The following TTYH2 variants were observed in gnomAD, a reference collection of about 807,000 sequenced individuals.
TTYH2 encodes tweety family member 2, also known as protein tweety homolog 2.
TTYH2 carries 49 observed loss-of-function variants against 68.3 expected under a neutral mutation model. The observed-to-expected ratio is 0.72, with a 90% CI of 0.57 to 0.91. The LOEUF (loss-of-function observed/expected upper bound fraction) is 0.91. Among genes scored for constraint, TTYH2 ranks in the 40% least tolerant of loss-of-function variants. TTYH2 has a pLI of 0.00. For synonymous variants in TTYH2, 272 were observed against 300.8 expected (o/e 0.90, Z 0.99); for missense variants, 631 against 700.4 (o/e 0.90, Z 1.12).
intron 1 of TTYH2, among the ~76,000 whole-genome samples, chr17:74,221,530 G>A (rs2050275789): frequency 6.6e-6 from 1 of 152,224 alleles, no homozygotes; most frequent in Non-Finnish European, 1.5e-5. Flanking sequence ...TATTGGGGGT[G>A]CATGGGAAGC....
At chr17:74,231,763 A>G (rs2050392092) in intron 3 of TTYH2, among the ~76,000 whole-genome samples, 1 of 152,126 alleles carries the variant, frequency 6.6e-6, no homozygotes, top group South Asian at 2.1e-4. Context: ...TCTGGCTTCC[A>G]GGCAGTGACT....
intron 4 of TTYH2, among the ~76,000 whole-genome samples, chr17:74,240,186 C>G (rs1305798916): frequency 1.3e-5 from 2 of 152,150 alleles, no homozygotes; most frequent in African/African-American, 4.8e-5. Flanking sequence ...ATGCTGTAAT[C>G]CCAGCACTTT....
At chr17:74,250,394 G>A in intron 10 of TTYH2, 37 bp downstream of exon 10, 1 of 1,569,206 alleles carries the variant, frequency 6.4e-7, no homozygotes, top group Non-Finnish European at 8.7e-7. Flanking sequence ...GAGAGTGTGA[G>A]GGCACCCAGC....
At chr17:74,235,416 A>G (rs1356087974) in intron 3 of TTYH2, among the ~76,000 whole-genome samples, 1 of 152,238 alleles carries the variant, frequency 6.6e-6, no homozygotes, top group East Asian at 1.9e-4. Flanking sequence ...TGACAGTTTC[A>G]GAACAACAAA....
intron 2 of TTYH2, among the ~76,000 whole-genome samples, chr17:74,227,761 G>T (rs8071343): frequency 0.048 from 6,506 of 136,728 alleles, 418 homozygotes; most frequent in African/African-American, 0.16. Context: ...TTTTTTTTTT[G>T]TTTTTTTTTT....
intron 4 of TTYH2, among the ~76,000 whole-genome samples, chr17:74,238,599 G>C (rs992054297): frequency 6.6e-6 from 1 of 152,176 alleles, no homozygotes; most frequent in African/African-American, 2.4e-5. Flanking sequence ...GGGACTGGTG[G>C]CTCACACCTA....
intron 12 of TTYH2, 142 bp from the exon 13 acceptor site, chr17:74,253,613 C>T (rs2143781732): frequency 2.6e-6 from 2 of 778,978 alleles, no homozygotes; most frequent in East Asian, 2.5e-5. Context: ...CATATCTGCC[C>T]ACTGCACCCC....
rs139719405 is a variant in TTYH2, at chr17:74,237,370, G to A, written c.491G>A (p.Arg164Gln). 2.5e-5 allele frequency: 40 copies of A among 1,613,984 alleles called. No individual in the cohort carries two copies. The highest frequency in any genetic ancestry group is 9.3e-5 in the African/African-American group (7 of 74,912). The part of the protein sequence containing the change: ...LARLSEIFAA[R>Q]GDYLQTLKFI... ...CGGCTCAGTGAGATCTTTGCTGCCC[G>A]GGGCGATTACCTGCAGACCCTGAAG... The change falls in exon 4 of 14, where the codon CGG (arginine) becomes CAG (glutamine). Residue 164 changes from arginine to glutamine, a missense_variant. By Grantham distance (43) the Arg-to-Gln change is conservative. Transcript: ENST00000269346.
At chr17:74,233,068 C>T (rs1020653194) in intron 3 of TTYH2, among the ~76,000 whole-genome samples, 7 of 152,232 alleles carry the variant, frequency 4.6e-5, no homozygotes, top group Non-Finnish European at 1.0e-4. Flanking sequence ...ATCAGCCCCT[C>T]GTCCTCTCCG....
At chr17:74,227,853 G>A (rs1263072788) in intron 2 of TTYH2, among the ~76,000 whole-genome samples, 1 of 151,840 alleles carries the variant, frequency 6.6e-6, no homozygotes, top group African/African-American at 2.4e-5. Context: ...GATGGAATGG[G>A]CCGGGCTGCT....
At chr17:74,228,551 T>G (rs2050355515) in intron 2 of TTYH2, among the ~76,000 whole-genome samples, 1 of 152,258 alleles carries the variant, frequency 6.6e-6, no homozygotes, top group South Asian at 2.1e-4. Flanking sequence ...ACCAACTAGA[T>G]GAGATTTCAC....
chr17:74,255,161 A>G (rs2050680482), intron 13 of TTYH2, among the ~76,000 whole-genome samples: 1 of 152,206 alleles, frequency 6.6e-6, no homozygotes, highest in East Asian at 1.9e-4. Flanking sequence ...AGGGACACGG[A>G]CTCCAGTGCC....
At chr17:74,237,102 G>A (rs527792840) in intron 3 of TTYH2, among the ~76,000 whole-genome samples, 192 bp from the exon 4 acceptor site, 59 of 152,174 alleles carry the variant, frequency 3.9e-4, no homozygotes, top group African/African-American at 1.4e-3. Flanking sequence ...GTCTCACTGT[G>A]TTGCCCAGGC....
Position 74,252,217 on chromosome 17 carries a change from C to G in TTYH2, c.1117-17C>G. 2 of 1,611,344 alleles carry G rather than the reference C, an allele frequency of 1.2e-6. No individual in the cohort carries two copies. Among genetic ancestry groups the G allele is most frequent in the Middle Eastern group, 1.7e-4 (1 of 6,050 alleles). ...CCCCGCTCCTTCACTAGCTGCATGT[C>G]CCTCCTCTTCCTCCAGGATTATCTG... is the stretch of plus-strand genomic sequence containing the variant. On this transcript the variant is annotated splice_polypyrimidine_tract_variant and intron_variant, in intron 10 of 13. Transcript: ENST00000269346.
intron 2 of TTYH2, among the ~76,000 whole-genome samples, chr17:74,230,288 T>A (rs2050374889): frequency 6.6e-6 from 1 of 150,630 alleles, no homozygotes; most frequent in Non-Finnish European, 1.5e-5. Flanking sequence ...AGAGATAGGG[T>A]CTCACTACGT....
At chr17:74,234,582 G>A (rs922359859) in intron 3 of TTYH2, among the ~76,000 whole-genome samples, 1 of 152,228 alleles carries the variant, frequency 6.6e-6, no homozygotes, top group Non-Finnish European at 1.5e-5. Context: ...CAATTTTTTA[G>A]TTTTGTTTCC....
intron 13 of TTYH2, among the ~76,000 whole-genome samples, chr17:74,255,220 T>C (rs943226472): frequency 6.6e-6 from 1 of 152,228 alleles, no homozygotes; most frequent in Admixed American, 6.5e-5. Context: ...CTCTGTGACT[T>C]TGGACAAGCA....
chr17:74,224,998 C>CAAAA (rs112895924), intron 2 of TTYH2, among the ~76,000 whole-genome samples: 21 of 123,432 alleles, frequency 1.7e-4, no homozygotes, highest in Middle Eastern at 4.2e-3. Flanking sequence ...GACTCCGTCT[C>CAAAA]AAAAAAAAAA....
intron 10 of TTYH2, among the ~76,000 whole-genome samples, chr17:74,251,377 A>T (rs9899499): frequency 4.6e-5 from 6 of 129,884 alleles, no homozygotes; most frequent in Non-Finnish European, 9.9e-5. Flanking sequence ...TGGGGGGTGC[A>T]TGTGTGTGGG....
Sources: gnomAD v4.1 joint callset for allele counts (sites outside exome capture counted in the v4.1 genomes callset) on GRCh38, gnomAD v4.1.1 for gene constraint, MANE v1.5 for transcripts, NCBI Gene and HGNC (gene_info 2026-07-23, HGNC 2026-07-21) for gene names.